Variants in CSMD3 observed in about 807,000 individuals in gnomAD.
CSMD3 encodes the protein CUB and Sushi multiple domains 3.
CSMD3 carries 177 observed loss-of-function variants against 435.2 expected under a neutral mutation model. That is an observed-to-expected ratio of 0.41 (90% CI 0.36 to 0.46). CSMD3 has a LOEUF of 0.46. CSMD3 is among the 20% of genes least tolerant of loss of function. The pLI is 0.34. For missense variants in CSMD3, 4,265 were observed against 4,504.6 expected, an observed-to-expected ratio of 0.95 and a Z score of 1.52; for synonymous variants, 1,656 against 1,520.5, an observed-to-expected ratio of 1.09 and a Z score of -2.07.
At chr8:112,993,779 A>C (rs1254542135) in intron 6 of CSMD3, among the ~76,000 whole-genome samples, 1 of 151,712 alleles carries the variant, frequency 6.6e-6, no homozygotes, top group Non-Finnish European at 1.5e-5. Flanking sequence ...CTAAAACACA[A>C]AAAGGGGCCA....
At chr8:113,185,640 T>C (rs1429727110) in intron 3 of CSMD3, among the ~76,000 whole-genome samples, 1 of 152,072 alleles carries the variant, frequency 6.6e-6, no homozygotes, top group African/African-American at 2.4e-5. Context: ...TCTTTGCCCA[T>C]TGTTGAAAAT....
intron 19 of CSMD3, among the ~76,000 whole-genome samples, chr8:112,648,241 G>A (rs542474870): frequency 1.3e-5 from 2 of 152,230 alleles, no homozygotes; most frequent in East Asian, 3.9e-4. Context: ...CTGTTCACTA[G>A]GTGATACAAT....
intron 10 of CSMD3, among the ~76,000 whole-genome samples, chr8:112,917,623 C>T (rs2082612326): frequency 6.6e-6 from 1 of 151,914 alleles, no homozygotes; most frequent in Non-Finnish European, 1.5e-5. Flanking sequence ...ACATTGTCTC[C>T]ATCCATAAAG....
At chr8:112,407,247 A>G (rs1831939983) in intron 34 of CSMD3, among the ~76,000 whole-genome samples, 2 of 152,016 alleles carry the variant, frequency 1.3e-5, no homozygotes, top group South Asian at 4.1e-4. Flanking sequence ...AAAGATAACT[A>G]CATTTGGACT....
chr8:112,400,384 G>A (rs1028186783), intron 35 of CSMD3, among the ~76,000 whole-genome samples: 1 of 152,096 alleles, frequency 6.6e-6, no homozygotes, highest in Non-Finnish European at 1.5e-5. Flanking sequence ...CACCTTAGGG[G>A]TTAGAATTTT....
At chr8:113,173,103 T>G (rs957452982) in intron 4 of CSMD3, among the ~76,000 whole-genome samples, 1 of 152,096 alleles carries the variant, frequency 6.6e-6, no homozygotes, top group Admixed American at 6.6e-5. Context: ...GCAAAACAAT[T>G]TTGACAGCCT....
intron 6 of CSMD3, among the ~76,000 whole-genome samples, chr8:112,977,341 T>C (rs1362746725): frequency 6.6e-6 from 1 of 152,092 alleles, no homozygotes; most frequent in Non-Finnish European, 1.5e-5. Flanking sequence ...ACACTTTTCT[T>C]CGCAACATTT....
At chr8:113,233,475 A>G (rs951578150) in intron 3 of CSMD3, among the ~76,000 whole-genome samples, 15 of 150,976 alleles carry the variant, frequency 9.9e-5, no homozygotes, top group Middle Eastern at 4.4e-3. Flanking sequence ...TAATAATTAT[A>G]AAGTAGAATA....
intron 31 of CSMD3, among the ~76,000 whole-genome samples, chr8:112,481,540 T>A (rs1819622305): frequency 6.6e-6 from 1 of 152,168 alleles, no homozygotes; most frequent in Non-Finnish European, 1.5e-5. Context: ...AAATCAATAA[T>A]TTACTAGATG....
intron 13 of CSMD3, among the ~76,000 whole-genome samples, chr8:112,789,970 A>G (rs972346729): frequency 2.0e-5 from 3 of 152,006 alleles, no homozygotes; most frequent in Non-Finnish European, 2.9e-5. Context: ...TTTCTGCTTT[A>G]ATACACATTT....
At position 112,638,822 on chromosome 8, in the gene CSMD3, C is replaced by T. The variant is rs2131589536; in HGVS notation, c.3400G>A (p.Ala1134Thr). The part of the protein sequence containing the change: ...TENGSFTQPL[A>T]RLTGSDLPPT... ...GGAAGATCTGAACCAGTCAGGCGTG[C>T]CAGTGGTTGGGTAAAACTGCCATTC... Residue 1134 changes from alanine (A) to threonine (T), a missense_variant, in exon 21 of 71, where the codon GCA becomes ACA. Physicochemically the swap from Ala to Thr is moderately conservative, Grantham distance 58 (BLOSUM62 0). Around this residue, in one of 3 missense-constraint regions of CSMD3, gnomAD observed 3,255 missense variants for 3,380.2 expected, o/e 0.96. Transcript: ENST00000297405. The T allele has an allele frequency of 6.2e-7, 1 of 1,611,836 alleles. No individual in the cohort carries two copies. Among genetic ancestry groups the T allele is most frequent in the African/African-American group, 1.3e-5 (1 of 74,890 alleles).
chr8:112,458,208 C>G (rs1215734022), intron 32 of CSMD3, among the ~76,000 whole-genome samples: 1 of 145,892 alleles, frequency 6.9e-6, no homozygotes, highest in African/African-American at 2.5e-5. Flanking sequence ...CACACACACA[C>G]TCACACCCAC....
intron 10 of CSMD3, among the ~76,000 whole-genome samples, chr8:112,909,376 C>G (rs1036485757): frequency 3.3e-5 from 5 of 151,248 alleles, no homozygotes; most frequent in African/African-American, 1.2e-4. Context: ...TTGGCCTTAA[C>G]AATGTAACAG....
At chr8:113,264,199 T>G (rs1364446865) in intron 3 of CSMD3, among the ~76,000 whole-genome samples, 2 of 151,524 alleles carry the variant, frequency 1.3e-5, no homozygotes, top group African/African-American at 4.8e-5. Flanking sequence ...TAAAGCAAGC[T>G]CATAGTGTAA....
At chr8:113,207,747 AG>A (rs1275407925) in intron 3 of CSMD3, among the ~76,000 whole-genome samples, 1 of 152,180 alleles carries the variant, frequency 6.6e-6, no homozygotes. Flanking sequence ...TGAAGTAAAA[AG>A]AAAGATATAT....
chr8:113,156,182 A>T (rs1304805348), intron 4 of CSMD3, among the ~76,000 whole-genome samples: 2 of 152,104 alleles, frequency 1.3e-5, no homozygotes, highest in East Asian at 3.9e-4. Context: ...TTAACCTTAT[A>T]AGAATCAGTG....
chr8:113,109,807 C>T (rs1481345152), intron 4 of CSMD3, among the ~76,000 whole-genome samples: 1 of 152,176 alleles, frequency 6.6e-6, no homozygotes, highest in Admixed American at 6.5e-5. Flanking sequence ...TTCATGGTGG[C>T]TTCACTTCCA....
intron 14 of CSMD3, among the ~76,000 whole-genome samples, chr8:112,687,653 T>A (rs2076041342): frequency 1.3e-5 from 2 of 152,154 alleles, no homozygotes; most frequent in Non-Finnish European, 2.9e-5. Flanking sequence ...GTACTTTGAA[T>A]CTATTTATTT....
chr8:113,299,091 A>G (rs1395145166), intron 2 of CSMD3, among the ~76,000 whole-genome samples: 1 of 152,278 alleles, frequency 6.6e-6, no homozygotes, highest in South Asian at 2.1e-4. Context: ...TGCTGCTATA[A>G]ATATTAGCCA....
Sources: gnomAD v4.1 joint callset for allele counts (sites outside exome capture counted in the v4.1 genomes callset) on GRCh38, gnomAD v4.1.1 for gene constraint, gnomAD v4.1.1 regional missense constraint, MANE v1.5 for transcripts, NCBI Gene and HGNC (gene_info 2026-07-23, HGNC 2026-07-21) for gene names.